CPVL: variants seen among roughly 807,000 people sequenced by gnomAD.
CPVL encodes the protein carboxypeptidase vitellogenic like, also known as probable serine carboxypeptidase CPVL.
CPVL carries 51 observed loss-of-function variants against 63.7 expected under a neutral mutation model. The ratio of observed to expected loss-of-function variants is 0.80; its 90% CI spans 0.64 to 1.01. The LOEUF (loss-of-function observed/expected upper bound fraction) is 1.01, where lower values mean the gene tolerates loss of function less well. Ranked by LOEUF, CPVL falls within the 50% of genes least tolerant of loss-of-function variation. The pLI, the probability that CPVL is intolerant of heterozygous loss-of-function variation, is 0.00. For missense variants in CPVL, 530 were observed against 573.1 expected (o/e 0.92, Z 0.77); for synonymous variants, 195 against 206.0 (o/e 0.95, Z 0.46).
intron 11 of CPVL, among the ~76,000 whole-genome samples, chr7:29,040,473 T>A (rs1023156521): frequency 6.6e-6 from 1 of 152,202 alleles, no homozygotes; most frequent in Non-Finnish European, 1.5e-5. Flanking sequence ...GCCATACTTC[T>A]TCCTGGTAAT....
chr7:29,154,615 C>A (rs1794079648), intron 5 of CPVL, among the ~76,000 whole-genome samples: 1 of 152,284 alleles, frequency 6.6e-6, no homozygotes, highest in East Asian at 1.9e-4. Flanking sequence ...AGGCAGATTT[C>A]TTGAGGTCAG....
chr7:29,170,784 G>A (rs1796498988), intron 5 of CPVL, among the ~76,000 whole-genome samples: 1 of 152,150 alleles, frequency 6.6e-6, no homozygotes, highest in Admixed American at 6.5e-5. Context: ...ATGGCTGGTG[G>A]GGGGGCCTCA....
At chr7:29,069,819 T>C (rs1006785554) in intron 9 of CPVL, among the ~76,000 whole-genome samples, 8 of 132,210 alleles carry the variant, frequency 6.1e-5, no homozygotes, top group East Asian at 2.0e-4. Flanking sequence ...TGTGTGTGTG[T>C]GTGTGTGTGC....
chr7:29,158,920 A>G (rs1342392415), intron 5 of CPVL, among the ~76,000 whole-genome samples: 5 of 152,238 alleles, frequency 3.3e-5, no homozygotes, highest in Admixed American at 3.3e-4. Flanking sequence ...AAAAATTGCT[A>G]GAGGAATGTA....
At chr7:29,003,147 T>C (rs970309937) in intron 12 of CPVL, among the ~76,000 whole-genome samples, 2 of 129,606 alleles carry the variant, frequency 1.5e-5, no homozygotes, top group South Asian at 2.6e-4. Flanking sequence ...CTATAGTATG[T>C]GTATGTGCAC....
downstream of CPVL, among the ~76,000 whole-genome samples, chr7:28,994,947 ACTG>A (rs1562712813): frequency 1.3e-5 from 2 of 152,212 alleles, no homozygotes; most frequent in Non-Finnish European, 2.9e-5. Context: ...TAGTCAGAAA[ACTG>A]CTAATGAATG....
At chr7:29,085,400 T>C (rs925761711) in intron 7 of CPVL, among the ~76,000 whole-genome samples, 1 of 152,094 alleles carries the variant, frequency 6.6e-6, no homozygotes, top group Non-Finnish European at 1.5e-5. Context: ...ACAGATCAAA[T>C]AGAAATAACA....
chr7:29,085,874 C>T (rs1259279490), intron 7 of CPVL, among the ~76,000 whole-genome samples: 1 of 152,208 alleles, frequency 6.6e-6, no homozygotes, highest in Non-Finnish European at 1.5e-5. Context: ...TTCTACAAAG[C>T]ACCTGGCCTG....
intron 1 of CPVL, among the ~76,000 whole-genome samples, chr7:29,129,479 T>TTC (rs1000393423): frequency 6.6e-6 from 1 of 151,492 alleles, no homozygotes; most frequent in African/African-American, 2.4e-5. Context: ...GCCATTACTT[T>TTC]TTTTTTTTTT....
At chr7:29,160,449 T>C (rs1795025045) in intron 5 of CPVL, among the ~76,000 whole-genome samples, 1 of 152,166 alleles carries the variant, frequency 6.6e-6, no homozygotes, top group Non-Finnish European at 1.5e-5. Context: ...AGGAGTTGAG[T>C]CATGTTTGAC....
At chr7:29,182,510 C>T (rs1268086088) in intron 4 of CPVL, among the ~76,000 whole-genome samples, 2 of 152,214 alleles carry the variant, frequency 1.3e-5, no homozygotes. Context: ...TATTTAACTA[C>T]TTGACAAGTT....
At chr7:29,069,445 A>G (rs1783498957) in intron 9 of CPVL, among the ~76,000 whole-genome samples, 1 of 150,546 alleles carries the variant, frequency 6.6e-6, no homozygotes, top group Non-Finnish European at 1.5e-5. Flanking sequence ...CGTCTCAAAA[A>G]AAAAAAAAAA....
intron 7 of CPVL, among the ~76,000 whole-genome samples, chr7:29,076,659 G>A (rs1272298035): frequency 6.6e-6 from 1 of 152,130 alleles, no homozygotes; most frequent in East Asian, 1.9e-4. Flanking sequence ...CTCTTACTTG[G>A]TTAATTTTTC....
intron 3 of CPVL, among the ~76,000 whole-genome samples, chr7:29,097,788 G>A (rs1365837130): frequency 8.5e-5 from 13 of 152,280 alleles, no homozygotes; most frequent in South Asian, 6.2e-4. Flanking sequence ...AGGAGAAGGT[G>A]ATTAGCGAAG....
chr7:29,189,806 G>C (rs1015580608), intron 1 of CPVL, among the ~76,000 whole-genome samples: 1 of 152,094 alleles, frequency 6.6e-6, no homozygotes, highest in Non-Finnish European at 1.5e-5. Flanking sequence ...GGCCAAATAG[G>C]ATACTCCAGG....
At chr7:29,155,705 T>C (rs1236492795) in intron 5 of CPVL, among the ~76,000 whole-genome samples, 1 of 152,188 alleles carries the variant, frequency 6.6e-6, no homozygotes, top group Non-Finnish European at 1.5e-5. Context: ...AATCCTGTCC[T>C]TTAGCAAGGT....
intron 5 of CPVL, 22 bp from the exon 6 acceptor site, chr7:29,092,724 AGGTATAAAC>A (rs1352823374): frequency 6.4e-7 from 1 of 1,551,530 alleles, no homozygotes. Context: ...ATAAACACGC[AGGTATAAAC>A]ACAGAGAAAC....
intron 3 of CPVL, among the ~76,000 whole-genome samples, chr7:29,106,059 G>A (rs1562772136): frequency 1.3e-5 from 2 of 152,278 alleles, no homozygotes; most frequent in East Asian, 3.9e-4. Flanking sequence ...CTTCTGAGTA[G>A]CTGAGAAGTT....
intron 3 of CPVL, among the ~76,000 whole-genome samples, chr7:29,110,141 A>G (rs1788109824): frequency 6.6e-6 from 1 of 152,242 alleles, no homozygotes; most frequent in Non-Finnish European, 1.5e-5. Flanking sequence ...TTCAGAGGGT[A>G]ACAAGGAACT....
Sources: allele counts gnomAD v4.1 joint callset (sites outside exome capture counted in the v4.1 genomes callset), GRCh38; gene constraint gnomAD v4.1.1; transcripts MANE v1.5; gene names NCBI Gene and HGNC (gene_info 2026-07-23, HGNC 2026-07-21).